Variants in ABCC12 observed in about 807,000 individuals in gnomAD.
ABCC12 encodes the protein ATP-binding cassette sub-family C member 12.
Under a neutral mutation model 151.1 loss-of-function variants are expected in ABCC12, and 142 were observed. That is an observed-to-expected ratio of 0.94 (90% CI 0.82 to 1.08). ABCC12 has a LOEUF of 1.08. Among genes scored for constraint, ABCC12 ranks in the 50% least tolerant of loss-of-function variants. ABCC12 has a pLI of 0.00. For synonymous variants in ABCC12, 645 were observed against 646.4 expected (o/e 1.00, Z 0.03); for missense variants, 1,638 against 1,691.1 (o/e 0.97, Z 0.55).
chr16:48,081,382 ACCCT>A lies in ABCC12; in HGVS notation c.*2329_*2332del, dbSNP rs1348541347. On this transcript the variant is annotated 3_prime_UTR_variant, in exon 31 of 31. Coordinates refer to ENST00000311303, the MANE Select transcript of ABCC12 (RefSeq NM_001393797.1). ...GTGTCTTATACATGCAAACAGCCAA[ACCCT>A]CAGAAGTCACTCTCCCCCAGGGATG... is the stretch of plus-strand genomic sequence containing the variant. Among the ~76,000 whole-genome samples, 1 of 152,048 alleles carries A rather than the reference ACCCT, an allele frequency of 6.6e-6. No individual in the cohort carries two copies. Among genetic ancestry groups the A allele is most frequent in the Admixed American group, 6.6e-5 (1 of 15,250 alleles).
At chr16:48,086,643 G>T in intron 28 of ABCC12, 98 bp downstream of exon 28, 1 of 1,034,018 alleles carries the variant, frequency 9.7e-7, no homozygotes, top group South Asian at 1.3e-5. Context: ...ACCTGGCTAA[G>T]TGCTGGCCTA....
intron 9 of ABCC12, among the ~76,000 whole-genome samples, chr16:48,131,303 C>T (rs1027589694): frequency 4.4e-4 from 67 of 152,154 alleles, no homozygotes; most frequent in African/African-American, 1.6e-3. Flanking sequence ...GGCATCTGAC[C>T]CTTTAGAGTT....
chr16:48,135,375 G>C (rs1223158156), intron 8 of ABCC12, among the ~76,000 whole-genome samples: 2 of 152,076 alleles, frequency 1.3e-5, no homozygotes, highest in Non-Finnish European at 2.9e-5. Context: ...CTGAGGTCCA[G>C]ATTTTTATTT....
At position 48,135,611 on chromosome 16, in the gene ABCC12, T is replaced by A. The variant is rs1011451009; in HGVS notation, c.980-1776A>T. Among the ~76,000 whole-genome samples the A allele has an allele frequency of 8.5e-5, 13 of 152,192 alleles. No homozygotes were observed. In the East Asian group the frequency reaches 2.5e-3, roughly 29 times the overall value. On this transcript the variant is annotated intron_variant, in intron 8 of 30. Transcript: ENST00000311303. ...ATGTTGCCCAGGCTAGTCTCGAATA[T>A]TTAGGCTCAAGCAATCCTCCCATGA...
intron 21 of ABCC12, among the ~76,000 whole-genome samples, chr16:48,104,778 C>T (rs1465364002): frequency 6.6e-6 from 1 of 152,244 alleles, no homozygotes; most frequent in Non-Finnish European, 1.5e-5. Flanking sequence ...CAGGCCCTGG[C>T]TGCCACCCAC....
chr16:48,122,944 T>G (rs906541457), intron 12 of ABCC12, among the ~76,000 whole-genome samples: 1 of 152,070 alleles, frequency 6.6e-6, no homozygotes, highest in African/African-American at 2.4e-5. Context: ...CTCAGAGAGG[T>G]TAAGTTACCT....
chr16:48,146,378 C>T lies in ABCC12; in HGVS notation c.47G>A (p.Gly16Asp). 1 of 1,614,190 alleles carries T rather than the reference C, an allele frequency of 6.2e-7. No individual in the cohort carries two copies. The highest frequency in any genetic ancestry group is 1.3e-5 in the African/African-American group (1 of 75,046). The change falls in exon 3 of 31, where the codon GGC becomes GAC. Residue 16 changes from glycine to aspartate, a missense_variant. Gly to Asp is a moderately conservative substitution (Grantham distance 94). Transcript: ENST00000311303. Reference protein sequence around the residue: ...PYLISDLDQRGRRRSFAERYD... With the variant: ...PYLISDLDQRDRRRSFAERYD... ...TCTTTCTGCAAAGGATCTCCGCCGG[C>T]CTCGCTGGTCCAGATCTGAGATAAG... is the stretch of plus-strand genomic sequence containing the variant.
Position 48,141,434 on chromosome 16 carries a change from C to A in ABCC12, c.276-81G>T, listed in dbSNP as rs1295379703. 7 of 1,558,588 alleles carry A rather than the reference C, an allele frequency of 4.5e-6. No homozygotes were observed. The African/African-American group carries it at 9.5e-5, about 21-fold the overall frequency. ...AGCTACGCTGTTGGGCATGCTCTTGCAAGGGTGCTCGGCAGAGCCCCCCTC... is the reference window on the plus strand; with the variant it reads ...AGCTACGCTGTTGGGCATGCTCTTGAAAGGGTGCTCGGCAGAGCCCCCCTC... On this transcript the variant is annotated intron_variant, in intron 4 of 30. Coordinates refer to ENST00000311303, the MANE Select transcript of ABCC12 (RefSeq NM_001393797.1).
intron 24 of ABCC12, among the ~76,000 whole-genome samples, chr16:48,091,998 G>A (rs1046446608): frequency 2.6e-5 from 4 of 152,198 alleles, no homozygotes; most frequent in African/African-American, 7.2e-5. Flanking sequence ...AGAAGGGGAC[G>A]TGAAGGCAGA....
chr16:48,140,661 C>A (rs1448260275), intron 6 of ABCC12, 26 bp downstream of exon 6: 1 of 1,607,306 alleles, frequency 6.2e-7, no homozygotes, highest in Non-Finnish European at 8.5e-7. Context: ...CATTTTCCAA[C>A]ATTAAACTCC....
At chr16:48,098,282 G>C (rs981406685) in intron 23 of ABCC12, among the ~76,000 whole-genome samples, 4 of 152,128 alleles carry the variant, frequency 2.6e-5, no homozygotes, top group Non-Finnish European at 5.9e-5. Flanking sequence ...CCCTGATCTA[G>C]TGGGGAAGGG....
Position 48,112,022 on chromosome 16 carries a change from G to C in ABCC12, c.1990-112C>G, listed in dbSNP as rs947676178. On this transcript the variant is annotated intron_variant, in intron 15 of 30. Coordinates refer to ENST00000311303, the MANE Select transcript of ABCC12 (RefSeq NM_001393797.1). Reference sequence around the variant, plus strand: ...GACTTTAGGGGCCAGATCATTCTTTGTTTGAGGGGGCTGTCCTGTGCATTG... The same window carrying C: ...GACTTTAGGGGCCAGATCATTCTTTCTTTGAGGGGGCTGTCCTGTGCATTG... 9 of 1,338,798 alleles carry C rather than the reference G, an allele frequency of 6.7e-6. No individual in the cohort carries two copies. The African/African-American group carries it at 1.2e-4, about 17-fold the overall frequency. The allele number at this position is 1,338,798 out of a possible 1,614,324, so 82.9% of individuals were successfully genotyped here.
intron 20 of ABCC12, 79 bp downstream of exon 20, chr16:48,107,243 G>A (rs1963524361): frequency 7.5e-7 from 1 of 1,335,132 alleles, no homozygotes; most frequent in African/African-American, 1.4e-5. Flanking sequence ...ATGGTGGCAG[G>A]GGCAGTCAGA....
chr16:48,089,570 G>C (rs936319305), intron 25 of ABCC12, among the ~76,000 whole-genome samples: 3 of 152,152 alleles, frequency 2.0e-5, no homozygotes, highest in African/African-American at 7.2e-5. Context: ...CTGGAAATAG[G>C]GATCCCGTGT....
At chr16:48,101,182 G>A (rs765896253) in intron 22 of ABCC12, among the ~76,000 whole-genome samples, 173 bp from the exon 23 acceptor site, 1 of 152,216 alleles carries the variant, frequency 6.6e-6, no homozygotes, top group Non-Finnish European at 1.5e-5. Flanking sequence ...TGCCCCAGGT[G>A]TGGGAATGGC....
intron 1 of ABCC12, among the ~76,000 whole-genome samples, chr16:48,155,198 C>T (rs745760528): frequency 2.6e-5 from 4 of 152,050 alleles, no homozygotes; most frequent in Non-Finnish European, 5.9e-5. Context: ...AGTGGGGGTG[C>T]TTTTGCTCAA....
In ABCC12 at chr16:48,115,444, T is replaced by C. The variant is rs549298261; in HGVS notation, c.1960A>G (p.Thr654Ala). The C allele has an allele frequency of 6.2e-7, 1 of 1,614,038 alleles. No individual in the cohort carries two copies. The highest frequency in any genetic ancestry group is 1.1e-5 in the South Asian group (1 of 91,078). Residue 654 changes from threonine (T) to alanine (A), a missense_variant, in exon 15 of 31, where the codon ACA becomes GCA. By Grantham distance (58) the Thr-to-Ala change is moderately conservative (BLOSUM62 0). Transcript: ENST00000311303. ...AGCTGGTGGGTCACCAGGACGACTG[T>C]CTTTCCCCTGAGCGTCTTCTTAATG... ...ECIKKTLRGK[T>A]VVLVTHQLQF...
At chr16:48,086,944 A>G in intron 27 of ABCC12, 125 bp from the exon 28 acceptor site, 1 of 796,788 alleles carries the variant, frequency 1.3e-6, no homozygotes, top group Non-Finnish European at 2.2e-6. Context: ...TCGTGCTCCA[A>G]GAATAGTGCT....
chr16:48,155,390 AAAG>A (rs1456437234), intron 1 of ABCC12, among the ~76,000 whole-genome samples: 1 of 151,956 alleles, frequency 6.6e-6, no homozygotes, highest in Non-Finnish European at 1.5e-5. Context: ...AAAAAAAAAA[AAAG>A]AAAGAAAGAT....
Sources: gnomAD v4.1 joint callset for allele counts (sites outside exome capture counted in the v4.1 genomes callset) on GRCh38, gnomAD v4.1.1 for gene constraint, MANE v1.5 for transcripts, NCBI Gene and HGNC (gene_info 2026-07-23, HGNC 2026-07-21) for gene names.